Variants in WWC2 observed in about 807,000 individuals in gnomAD.
WWC2 encodes the protein WW and C2 domain containing 2.
WWC2 carries 101 observed loss-of-function variants against 138.5 expected under a neutral mutation model. That is an observed-to-expected ratio of 0.73 (90% CI 0.62 to 0.86). WWC2 has a LOEUF of 0.86. Among genes scored for constraint, WWC2 ranks in the 40% least tolerant of loss-of-function variants. The pLI is 0.00. For synonymous variants in WWC2, 558 were observed against 538.4 expected (o/e 1.04, Z -0.50); for missense variants, 1,420 against 1,419.4 (o/e 1.00, Z -0.01).
Position 183,208,009 on chromosome 4 carries a change from C to T in WWC2, c.298C>T (p.Leu100Phe). Residue 100 changes from leucine (L) to phenylalanine (F), a missense_variant, in exon 3 of 23, where the codon CTC becomes TTC. Transcript: ENST00000403733. ...KQWRGEQEKM[L>F]KDYLSVAQDA... Reference sequence around the variant, plus strand: ...ATGGAGGGGGGAACAGGAGAAGATGCTCAAGGACTACCTCTCTGTGGCACA... The same window carrying T: ...ATGGAGGGGGGAACAGGAGAAGATGTTCAAGGACTACCTCTCTGTGGCACA... 6.2e-7 allele frequency: 1 copy of T among 1,613,582 alleles called. No individual in the cohort carries two copies. Among genetic ancestry groups the T allele is most frequent in the South Asian group, 1.1e-5 (1 of 90,994 alleles).
chr4:183,298,747 G>A (rs1224739576), intron 21 of WWC2, among the ~76,000 whole-genome samples: 2 of 152,194 alleles, frequency 1.3e-5, no homozygotes, highest in African/African-American at 4.8e-5. Flanking sequence ...TCTAGTTACA[G>A]AATTTTGTGA....
At chr4:183,196,284 A>G (rs1735140088) in intron 2 of WWC2, among the ~76,000 whole-genome samples, 2 of 152,136 alleles carry the variant, frequency 1.3e-5, no homozygotes, top group Admixed American at 6.5e-5. Flanking sequence ...CCTACAAACT[A>G]TCAAATCCAA....
At chr4:183,158,054 T>C (rs527969775) in intron 1 of WWC2, among the ~76,000 whole-genome samples, 1 of 152,246 alleles carries the variant, frequency 6.6e-6, no homozygotes, top group South Asian at 2.1e-4. Flanking sequence ...ATGAACTTTG[T>C]CTTTTAGGGA....
intron 1 of WWC2, among the ~76,000 whole-genome samples, chr4:183,151,483 G>C (rs1441918629): frequency 6.6e-6 from 1 of 152,180 alleles, no homozygotes; most frequent in African/African-American, 2.4e-5. Context: ...CTCCCATTCT[G>C]TAGGTTGCCT....
intron 16 of WWC2, among the ~76,000 whole-genome samples, chr4:183,275,695 G>A (rs1429768713): frequency 7.5e-6 from 1 of 133,282 alleles, no homozygotes; most frequent in African/African-American, 2.8e-5. Flanking sequence ...GTTGGACTCA[G>A]TTTGCTAGTA....
At chr4:183,108,546 C>A (rs942381823) in intron 1 of WWC2, among the ~76,000 whole-genome samples, 8 of 151,892 alleles carry the variant, frequency 5.3e-5, no homozygotes, top group African/African-American at 1.9e-4. Flanking sequence ...GTGGAGGAGT[C>A]CTGGGCTGGA....
At chr4:183,202,891 G>A (rs1416022503) in intron 2 of WWC2, among the ~76,000 whole-genome samples, 2 of 152,170 alleles carry the variant, frequency 1.3e-5, no homozygotes, top group African/African-American at 4.8e-5. Flanking sequence ...CAGAGACAGT[G>A]TTATAGCTTA....
intron 21 of WWC2, among the ~76,000 whole-genome samples, chr4:183,305,978 C>T (rs1020030913): frequency 6.6e-6 from 1 of 152,008 alleles, no homozygotes; most frequent in Non-Finnish European, 1.5e-5. Context: ...AGCAATGATG[C>T]AAGGGACAAG....
chr4:183,248,507 A>G (rs900342227), intron 6 of WWC2, among the ~76,000 whole-genome samples: 1 of 152,232 alleles, frequency 6.6e-6, no homozygotes, highest in Non-Finnish European at 1.5e-5. Context: ...CTGGTTTAAT[A>G]TGATCTCGCT....
chr4:183,186,836 C>T (rs1289011013), intron 1 of WWC2, among the ~76,000 whole-genome samples: 1 of 152,082 alleles, frequency 6.6e-6, no homozygotes. Flanking sequence ...GGTGACAAAA[C>T]TCATGCCAGC....
At chr4:183,235,295 G>A (rs1736386820) in intron 4 of WWC2, among the ~76,000 whole-genome samples, 1 of 152,182 alleles carries the variant, frequency 6.6e-6, no homozygotes. Context: ...CACCTAAACA[G>A]AGGAGAGTCC....
chr4:183,240,195 AAG>A lies in WWC2; in HGVS notation c.542_543del (p.Glu181AlafsTer11), dbSNP rs771990434. ...TTTCTCTTTAAAGGTTAAAAAGCTAAAGAGAGAGCTCTCACAGATGAAGCAGG... is the reference window on the plus strand; with the variant it reads ...TTTCTCTTTAAAGGTTAAAAAGCTAAAGAGAGCTCTCACAGATGAAGCAGG... ...STTRLRVKKL[K>X]RELSQMKQEL... On this transcript the variant is annotated frameshift_variant, in exon 5 of 23. Coordinates refer to ENST00000403733, the MANE Select transcript of WWC2 (RefSeq NM_024949.6). LOFTEE classifies it high-confidence loss of function. 3.9e-6 allele frequency: 6 copies of A among 1,549,596 alleles called. No individual in the cohort carries two copies. Among genetic ancestry groups the A allele is most frequent in the Non-Finnish European group, 5.2e-6 (6 of 1,146,864 alleles).
At chr4:183,252,997 G>C (rs1409286041) in intron 8 of WWC2, among the ~76,000 whole-genome samples, 1 of 152,120 alleles carries the variant, frequency 6.6e-6, no homozygotes. Flanking sequence ...CTCCCAAGGA[G>C]CAGGGACCAC....
At chr4:183,150,776 A>G (rs1733615840) in intron 1 of WWC2, among the ~76,000 whole-genome samples, 1 of 152,048 alleles carries the variant, frequency 6.6e-6, no homozygotes, top group African/African-American at 2.4e-5. Flanking sequence ...GAGAACATGC[A>G]GTGTTTGGTT....
intron 1 of WWC2, among the ~76,000 whole-genome samples, chr4:183,144,298 GGAAGTGGTTGCA>G (rs373649507): frequency 5.7e-4 from 86 of 152,210 alleles, no homozygotes; most frequent in African/African-American, 2.0e-3. Flanking sequence ...TGTGTTGAAA[GGAAGTGGTTGCA>G]GAGATAATGT....
chr4:183,298,324 A>G (rs1738707767), intron 21 of WWC2, among the ~76,000 whole-genome samples: 1 of 152,224 alleles, frequency 6.6e-6, no homozygotes, highest in Non-Finnish European at 1.5e-5. Flanking sequence ...AGAGGAGTTG[A>G]ACCTCATATA....
At chr4:183,113,767 A>ATTT (rs753321213) in intron 1 of WWC2, among the ~76,000 whole-genome samples, 1 of 140,060 alleles carries the variant, frequency 7.1e-6, no homozygotes, top group African/African-American at 2.6e-5. Flanking sequence ...GGAATTACAG[A>ATTT]TTTTTTTTTT....
intron 1 of WWC2, among the ~76,000 whole-genome samples, chr4:183,162,190 T>G (rs1279441580): frequency 2.5e-4 from 1 of 4,036 alleles, no homozygotes; most frequent in Non-Finnish European, 5.1e-3. Flanking sequence ...ACTACCCGAT[T>G]AGTTTTTTTT....
intron 21 of WWC2, among the ~76,000 whole-genome samples, chr4:183,291,437 A>G (rs981667362): frequency 6.6e-6 from 1 of 152,236 alleles, no homozygotes; most frequent in Non-Finnish European, 1.5e-5. Flanking sequence ...TGTAATCTCA[A>G]TAACCAACAT....
Sources: gnomAD v4.1 joint callset for allele counts (sites outside exome capture counted in the v4.1 genomes callset) on GRCh38, gnomAD v4.1.1 for gene constraint, MANE v1.5 for transcripts, NCBI Gene and HGNC (gene_info 2026-07-23, HGNC 2026-07-21) for gene names.